Variants in PSD3 observed in about 807,000 individuals in gnomAD.
The protein encoded by PSD3 is pleckstrin and Sec7 domain containing 3.
In PSD3, 49 loss-of-function variants were observed where a neutral mutation model predicts 105.5. That is an observed-to-expected ratio of 0.46 (90% CI 0.37 to 0.59). PSD3 has a LOEUF of 0.59. Ranked by LOEUF, PSD3 falls within the 20% of genes least tolerant of loss-of-function variation. The pLI, the probability that PSD3 is intolerant of heterozygous loss-of-function variation, is 0.00. For missense variants in PSD3, 1,561 were observed against 1,263.8 expected (o/e 1.24, Z -3.57); for synonymous variants, 557 against 457.8 (o/e 1.22, Z -2.77).
intron 2 of PSD3, among the ~76,000 whole-genome samples, chr8:18,916,113 A>G (rs1480688261): frequency 6.6e-6 from 1 of 151,728 alleles, no homozygotes; most frequent in Non-Finnish European, 1.5e-5. Flanking sequence ...AATAAAAATA[A>G]AAGTAAAAAT....
chr8:18,674,090 G>A (rs1251766185), intron 9 of PSD3, among the ~76,000 whole-genome samples: 1 of 152,038 alleles, frequency 6.6e-6, no homozygotes, highest in African/African-American at 2.4e-5. Flanking sequence ...AGGGTGCAGT[G>A]AGCAGTGATC....
intron 1 of PSD3, among the ~76,000 whole-genome samples, chr8:19,057,967 C>G (rs1293606196): frequency 1.3e-5 from 2 of 152,260 alleles, no homozygotes; most frequent in Admixed American, 1.3e-4. Context: ...AACTTCTATT[C>G]ACACAAAAAC....
At chr8:18,824,481 G>T (rs961752552) in intron 4 of PSD3, among the ~76,000 whole-genome samples, 4 of 152,066 alleles carry the variant, frequency 2.6e-5, no homozygotes, top group African/African-American at 4.8e-5. Flanking sequence ...TGCCTTACAG[G>T]GTTACTGTGG....
intron 9 of PSD3, among the ~76,000 whole-genome samples, chr8:18,697,849 A>G (rs2131021964): frequency 6.6e-6 from 1 of 152,284 alleles, no homozygotes; most frequent in East Asian, 1.9e-4. Flanking sequence ...TTTTCTGAAA[A>G]GCAAACAAAA....
At chr8:19,031,766 G>A (rs1164363061) in intron 1 of PSD3, among the ~76,000 whole-genome samples, 1 of 152,010 alleles carries the variant, frequency 6.6e-6, no homozygotes, top group Non-Finnish European at 1.5e-5. Context: ...AACTAAATAG[G>A]GGCAGAAAAA....
intron 4 of PSD3, among the ~76,000 whole-genome samples, chr8:18,825,808 TGTAGTC>T (rs1813134317): frequency 1.3e-5 from 2 of 152,206 alleles, no homozygotes; most frequent in African/African-American, 4.8e-5. Context: ...CAGGGATCTA[TGTAGTC>T]GATTCACAGT....
At chr8:18,614,291 C>T (rs1805487074) in intron 11 of PSD3, among the ~76,000 whole-genome samples, 1 of 152,088 alleles carries the variant, frequency 6.6e-6, no homozygotes, top group African/African-American at 2.4e-5. Context: ...AAGGCAAGTA[C>T]GTTGGTTTGT....
Position 18,872,379 on chromosome 8 carries a change from G to C in PSD3, c.485C>G (p.Ser162Cys), listed in dbSNP as rs768279498. 4 of 1,614,178 alleles carry C rather than the reference G, an allele frequency of 2.5e-6. No individual in the cohort carries two copies. Among genetic ancestry groups the C allele is most frequent in the Non-Finnish European group, 3.4e-6 (4 of 1,180,012 alleles). ...TTCCACCTGCTGAACTGAAAAACTA[G>C]AAACAGCATCTTGGTCCAGTACCTT... ...ATKVLDQDAV[S>C]SFSVQQVEKE... Residue 162 changes from serine to cysteine, a missense_variant, in exon 3 of 16, where the codon TCT becomes TGT. By Grantham distance (112) the Ser-to-Cys change is moderately radical. Transcript: ENST00000327040.
intron 8 of PSD3, among the ~76,000 whole-genome samples, chr8:18,798,785 C>T (rs551949335): frequency 8.1e-4 from 123 of 152,188 alleles, no homozygotes; most frequent in African/African-American, 2.7e-3. Context: ...TATAATTATA[C>T]ATTTTAACAC....
chr8:19,053,541 G>A (rs1374530595), intron 1 of PSD3, among the ~76,000 whole-genome samples: 1 of 152,128 alleles, frequency 6.6e-6, no homozygotes, highest in East Asian at 1.9e-4. Context: ...GCTCACACCT[G>A]TAATCCCAGC....
At chr8:18,629,834 AT>A (rs1806765567) in intron 11 of PSD3, among the ~76,000 whole-genome samples, 1 of 151,964 alleles carries the variant, frequency 6.6e-6, no homozygotes, top group Non-Finnish European at 1.5e-5. Flanking sequence ...TATACTCTAA[AT>A]TGGTGAATTT....
intron 1 of PSD3, among the ~76,000 whole-genome samples, chr8:18,975,242 C>T (rs187227904): frequency 7.3e-5 from 11 of 151,362 alleles, no homozygotes; most frequent in Admixed American, 2.6e-4. Context: ...AAAATAGTTG[C>T]AGAAAAATAA....
At chr8:19,010,789 T>C (rs1172188026) in intron 1 of PSD3, among the ~76,000 whole-genome samples, 2 of 151,994 alleles carry the variant, frequency 1.3e-5, no homozygotes, top group Non-Finnish European at 2.9e-5. Flanking sequence ...CTCTCCTAAA[T>C]GAAAGCCAGG....
chr8:18,872,950 C>T (rs1425984876), intron 2 of PSD3, among the ~76,000 whole-genome samples: 1 of 152,170 alleles, frequency 6.6e-6, no homozygotes, highest in Admixed American at 6.5e-5. Context: ...AAACTTTCGG[C>T]CTAGAAGGCA....
chr8:18,928,821 C>A (rs1354153508), intron 2 of PSD3, among the ~76,000 whole-genome samples: 1 of 150,528 alleles, frequency 6.6e-6, no homozygotes, highest in African/African-American at 2.4e-5. Context: ...CCTCTCCTCT[C>A]TTCTGCCTTT....
At chr8:18,658,854 C>G (rs149720673) in intron 9 of PSD3, among the ~76,000 whole-genome samples, 4 of 152,130 alleles carry the variant, frequency 2.6e-5, no homozygotes, top group Non-Finnish European at 5.9e-5. Context: ...GAATTTCTCT[C>G]TCATCTCAAT....
intron 1 of PSD3, among the ~76,000 whole-genome samples, chr8:18,946,557 G>T (rs1245501494): frequency 1.2e-5 from 1 of 85,788 alleles, no homozygotes; most frequent in Admixed American, 1.0e-4. Context: ...CTCCAGCCTG[G>T]GCATGGAACA....
At chr8:18,692,806 T>A (rs868187639) in intron 9 of PSD3, among the ~76,000 whole-genome samples, 13 of 152,310 alleles carry the variant, frequency 8.5e-5, no homozygotes, top group Middle Eastern at 6.8e-3. Context: ...CCAAACTGCC[T>A]ATATTATATA....
chr8:18,756,195 T>C (rs1489827200), intron 9 of PSD3, among the ~76,000 whole-genome samples: 1 of 151,996 alleles, frequency 6.6e-6, no homozygotes, highest in Non-Finnish European at 1.5e-5. Context: ...TCACCTACTC[T>C]AGGCAACAGT....
Sources: gnomAD v4.1 joint callset for allele counts (sites outside exome capture counted in the v4.1 genomes callset) on GRCh38, gnomAD v4.1.1 for gene constraint, MANE v1.5 for transcripts, NCBI Gene and HGNC (gene_info 2026-07-23, HGNC 2026-07-21) for gene names.